TSPAN7: variants seen among roughly 807,000 people sequenced by gnomAD.
The protein encoded by TSPAN7 is tetraspanin 7, also known as tetraspanin-7.
In TSPAN7, 1 loss-of-function variant was observed where a neutral mutation model predicts 17.6. The observed-to-expected ratio is 0.06, with a 90% CI of 0.02 to 0.27. TSPAN7 has a LOEUF of 0.27. Ranked by LOEUF, TSPAN7 falls within the 10% of genes least tolerant of loss-of-function variation. TSPAN7 has a pLI of 1.00. For synonymous variants in TSPAN7, 78 were observed against 79.0 expected (o/e 0.99, Z 0.07); for missense variants, 112 against 201.7 (o/e 0.56, Z 2.69).
At chrX:38,663,462 A>G (rs2069762272) in intron 1 of TSPAN7, among the ~76,000 whole-genome samples, 1 of 112,190 alleles carries the variant, frequency 8.9e-6, no homozygotes, top group South Asian at 3.7e-4. Context: ...TACACTGCTC[A>G]GGTGATGAGT....
At chrX:38,682,706 A>G (rs1359689860) in intron 6 of TSPAN7, among the ~76,000 whole-genome samples, 1 of 112,348 alleles carries the variant, frequency 8.9e-6, no homozygotes, top group Non-Finnish European at 1.9e-5. Flanking sequence ...TCCAACACAT[A>G]GACAAACCAG....
intron 1 of TSPAN7, among the ~76,000 whole-genome samples, chrX:38,591,188 A>T (rs2069289403): frequency 9.1e-6 from 1 of 110,027 alleles, no homozygotes; most frequent in African/African-American, 3.3e-5. Context: ...TTCCCTAAGT[A>T]CTGTTTTAGC....
At chrX:38,579,949 A>T (rs1017158140) in intron 1 of TSPAN7, among the ~76,000 whole-genome samples, 1 of 112,610 alleles carries the variant, frequency 8.9e-6, no homozygotes, top group Non-Finnish European at 1.9e-5. Context: ...TTACATATCT[A>T]TAATGATTAT....
chrX:38,568,225 C>G (rs2069153271), intron 1 of TSPAN7, among the ~76,000 whole-genome samples: 1 of 109,958 alleles, frequency 9.1e-6, no homozygotes, highest in Non-Finnish European at 1.9e-5. Context: ...TCACCATCAT[C>G]CTGGTGAATC....
chrX:38,620,547 T>A (rs1569307915), intron 1 of TSPAN7, among the ~76,000 whole-genome samples: 1 of 111,458 alleles, frequency 9.0e-6, no homozygotes, highest in Non-Finnish European at 1.9e-5. Context: ...CTACAATTTT[T>A]GTCTGGAGAA....
intron 1 of TSPAN7, among the ~76,000 whole-genome samples, chrX:38,652,894 T>A (rs924011310): frequency 2.7e-5 from 3 of 112,528 alleles, no homozygotes; most frequent in Non-Finnish European, 5.6e-5. Context: ...CCTTAGGCAG[T>A]ATAAAGAAAA....
At chrX:38,670,591 C>T (rs1466634375) in intron 2 of TSPAN7, among the ~76,000 whole-genome samples, 1 of 112,495 alleles carries the variant, frequency 8.9e-6, no homozygotes, top group Non-Finnish European at 1.9e-5. Context: ...CTACTGTGTC[C>T]AGTGATGACC....
intron 1 of TSPAN7, among the ~76,000 whole-genome samples, chrX:38,587,010 A>C (rs755949843): frequency 8.0e-5 from 9 of 112,427 alleles, no homozygotes; most frequent in Non-Finnish European, 1.7e-4. Context: ...AAAGTTTTCA[A>C]CTGGGGGTGG....
chrX:38,678,488 G>C (rs1219056904), intron 5 of TSPAN7, among the ~76,000 whole-genome samples: 1 of 111,936 alleles, frequency 8.9e-6, no homozygotes, highest in African/African-American at 3.2e-5. Flanking sequence ...TTAGGAAATT[G>C]AGAGAGATTG....
intron 1 of TSPAN7, among the ~76,000 whole-genome samples, chrX:38,636,905 G>T (rs1480871425): frequency 9.0e-6 from 1 of 111,627 alleles, no homozygotes; most frequent in Admixed American, 9.4e-5. Context: ...TCCGCCAGCC[G>T]TGGGCTCCCA....
At chrX:38,643,926 G>A (rs1477361542) in intron 1 of TSPAN7, among the ~76,000 whole-genome samples, 4 of 111,869 alleles carry the variant, frequency 3.6e-5, no homozygotes, top group East Asian at 2.8e-4. Context: ...ATAATGGGAA[G>A]GAGGGGCAGA....
chrX:38,616,398 G>A (rs1472834614), intron 1 of TSPAN7, among the ~76,000 whole-genome samples: 4 of 111,893 alleles, frequency 3.6e-5, no homozygotes, highest in African/African-American at 1.3e-4. Flanking sequence ...ATACAGGGAT[G>A]GCTGATAATG....
intron 1 of TSPAN7, among the ~76,000 whole-genome samples, chrX:38,663,344 A>G (rs1013447287): frequency 2.7e-5 from 3 of 112,179 alleles, no homozygotes; most frequent in Non-Finnish European, 5.6e-5. Context: ...AGTGGGAGCT[A>G]ATCTGTGAGA....
At chrX:38,659,567 G>C (rs1020776523) in intron 1 of TSPAN7, among the ~76,000 whole-genome samples, 1 of 111,119 alleles carries the variant, frequency 9.0e-6, no homozygotes, top group Non-Finnish European at 1.9e-5. Context: ...AATATCAGGT[G>C]ATCTGCCCAA....
intron 2 of TSPAN7, 40 bp from the exon 3 acceptor site, chrX:38,671,336 C>G: frequency 1.7e-6 from 2 of 1,180,791 alleles, no homozygotes; most frequent in Non-Finnish European, 2.3e-6. Context: ...CTTCTTAATC[C>G]TGATGTATCT....
chrX:38,626,741 T>G (rs1193894741), intron 1 of TSPAN7, among the ~76,000 whole-genome samples: 1 of 111,917 alleles, frequency 8.9e-6, no homozygotes, highest in Non-Finnish European at 1.9e-5. Flanking sequence ...CAGTTATCCC[T>G]TGCCACATTA....
At chrX:38,606,233 C>G (rs1223217542) in intron 1 of TSPAN7, among the ~76,000 whole-genome samples, 10 of 110,800 alleles carry the variant, frequency 9.0e-5, no homozygotes, top group Non-Finnish European at 1.7e-4. Context: ...CAAACAACCC[C>G]ATCAAAAAGT....
At chrX:38,603,221 C>T (rs1000655014) in intron 1 of TSPAN7, among the ~76,000 whole-genome samples, 1 of 111,676 alleles carries the variant, frequency 9.0e-6, no homozygotes, top group African/African-American at 3.3e-5. Flanking sequence ...CAATGAAATA[C>T]CACTTAATGC....
chrX:38,654,114 A>G (rs2069689790), intron 1 of TSPAN7, among the ~76,000 whole-genome samples: 1 of 111,851 alleles, frequency 8.9e-6, no homozygotes, highest in African/African-American at 3.3e-5. Flanking sequence ...GAGGACATTA[A>G]AGGAAAGCAG....
Sources: allele counts gnomAD v4.1 joint callset (sites outside exome capture counted in the v4.1 genomes callset), GRCh38; gene constraint gnomAD v4.1.1; transcripts MANE v1.5; gene names NCBI Gene and HGNC (gene_info 2026-07-23, HGNC 2026-07-21).